POLR3B: variants seen among roughly 807,000 people sequenced by gnomAD.
POLR3B encodes the protein DNA-directed RNA polymerase III subunit RPC2.
A neutral mutation model predicts 147.4 loss-of-function variants in POLR3B; 96 were observed. That is an observed-to-expected ratio of 0.65 (90% CI 0.55 to 0.77). POLR3B has a LOEUF of 0.77. Among genes scored for constraint, POLR3B ranks in the 30% least tolerant of loss-of-function variants. The pLI, the probability that POLR3B is intolerant of heterozygous loss-of-function variation, is 0.00. For missense variants in POLR3B, 1,036 were observed against 1,413.5 expected, an observed-to-expected ratio of 0.73 and a Z score of 4.28; for synonymous variants, 461 against 485.9, an observed-to-expected ratio of 0.95 and a Z score of 0.67.
At chr12:106,393,225 A>AT in intron 10 of POLR3B, 72 bp downstream of exon 10, 2 of 1,580,314 alleles carry the variant, frequency 1.3e-6, no homozygotes, top group Non-Finnish European at 1.7e-6. Flanking sequence ...GATAAAGCTC[A>AT]TCGGATGTGA....
At chr12:106,446,786 C>G (rs1174213611) in intron 19 of POLR3B, among the ~76,000 whole-genome samples, 1 of 152,074 alleles carries the variant, frequency 6.6e-6, no homozygotes, top group African/African-American at 2.4e-5. Context: ...TTATAAAACA[C>G]CTGACTGGAA....
intron 9 of POLR3B, among the ~76,000 whole-genome samples, chr12:106,389,582 G>T (rs2136913218): frequency 6.7e-6 from 1 of 149,962 alleles, no homozygotes; most frequent in African/African-American, 2.5e-5. Flanking sequence ...CTTGGGACCA[G>T]CAGTGTTTAG....
intron 23 of POLR3B, among the ~76,000 whole-genome samples, chr12:106,487,269 T>A (rs571774519): frequency 1.3e-5 from 2 of 152,374 alleles, no homozygotes; most frequent in South Asian, 2.1e-4. Context: ...TTTGTTTGTT[T>A]GTTTGTTTCT....
At position 106,504,127 on chromosome 12, in the gene POLR3B, G is replaced by A; in HGVS notation, c.3145G>A (p.Glu1049Lys). ...TCGTGATGGTGGCTTGCGTCTCGGG[G>A]AAATGGAACGTGACTGTTTAATCGG... ...RSRDGGLRLG[E>K]MERDCLIGYG... Residue 1049 changes from glutamate to lysine, a missense_variant, in exon 27 of 28, where the codon GAA becomes AAA. This residue lies in a region of POLR3B where 18 missense variants were observed against 73.4 expected (regional missense o/e 0.25). Coordinates refer to ENST00000228347, the MANE Select transcript of POLR3B (RefSeq NM_018082.6). This position sits in a 1 kb window ranked among gnomAD's most constrained non-coding sequence, Gnocchi z 4.6. 6.2e-7 allele frequency: 1 copy of A among 1,614,226 alleles called. No individual in the cohort carries two copies.
At chr12:106,479,753 TTTTTC>T (rs2038237858) in intron 23 of POLR3B, among the ~76,000 whole-genome samples, 1 of 151,926 alleles carries the variant, frequency 6.6e-6, no homozygotes, top group South Asian at 2.1e-4. Context: ...GGTTTTTCTT[TTTTTC>T]TTTTTAGTTT....
chr12:106,448,983 A>C (rs10778473), intron 19 of POLR3B, among the ~76,000 whole-genome samples: 51,037 of 151,904 alleles, frequency 0.34, 11,392 homozygotes, highest in African/African-American at 0.64. Context: ...TGTAAATTAT[A>C]AGCCCCTCGA....
intron 19 of POLR3B, among the ~76,000 whole-genome samples, chr12:106,449,561 T>C (rs1004521762): frequency 6.6e-6 from 1 of 152,200 alleles, no homozygotes; most frequent in South Asian, 2.1e-4. Context: ...TACTATATTC[T>C]TACAATTCAA....
intron 2 of POLR3B, among the ~76,000 whole-genome samples, chr12:106,365,361 A>G (rs934547815): frequency 6.6e-6 from 1 of 152,120 alleles, no homozygotes; most frequent in Non-Finnish European, 1.5e-5. Context: ...CCAAGAATCA[A>G]ATAAAATGGT....
chr12:106,418,096 G>T (rs2037330443), intron 12 of POLR3B, among the ~76,000 whole-genome samples: 1 of 152,156 alleles, frequency 6.6e-6, no homozygotes, highest in Admixed American at 6.5e-5. Flanking sequence ...CTGGCCAAGC[G>T]GGTTCACAGA....
At position 106,504,216 on chromosome 12, in the gene POLR3B, T is replaced by C; in HGVS notation, c.3234T>C (p.Asp1078=). 1.2e-6 allele frequency: 2 copies of C among 1,614,214 alleles called. No individual in the cohort carries two copies. The highest frequency in any genetic ancestry group is 1.7e-6 in the Non-Finnish European group (2 of 1,180,006). The change falls in exon 27 of 28, where the codon GAT becomes GAC. Residue 1078 remains aspartate (D), a synonymous_variant. Coordinates refer to ENST00000228347, the MANE Select transcript of POLR3B (RefSeq NM_018082.6). This position sits in a 1 kb window ranked among gnomAD's most constrained non-coding sequence, Gnocchi z 4.6. Reference sequence around the variant, plus strand: ...TTTCAAGTGATGCCTTTGAGGTTGATGTCTGTGGGCAGTGTGGACTTCTGG... The same window carrying C: ...TTTCAAGTGATGCCTTTGAGGTTGACGTCTGTGGGCAGTGTGGACTTCTGG... The part of the protein sequence containing the change: ...LMISSDAFEV[D]VCGQCGLLGY...
intron 18 of POLR3B, among the ~76,000 whole-genome samples, chr12:106,439,799 A>G (rs983270062): frequency 5.9e-5 from 9 of 152,178 alleles, no homozygotes; most frequent in East Asian, 3.8e-4. Context: ...GGTCACACCT[A>G]TAATCCCAGC....
At chr12:106,430,536 G>A (rs922554780) in intron 14 of POLR3B, 63 bp downstream of exon 14, 7 of 1,310,804 alleles carry the variant, frequency 5.3e-6, no homozygotes, top group Non-Finnish European at 5.5e-6. Flanking sequence ...TGCATGGGGT[G>A]GGGTGGGGAG....
intron 25 of POLR3B, 65 bp from the exon 26 acceptor site, chr12:106,501,258 C>T: frequency 1.0e-6 from 1 of 975,456 alleles, no homozygotes; most frequent in Non-Finnish European, 1.7e-6. Context: ...GTGATGGGTC[C>T]AAAGGCTGTC....
chr12:106,373,741 G>A (rs182954949), intron 6 of POLR3B, among the ~76,000 whole-genome samples: 78 of 151,726 alleles, frequency 5.1e-4, no homozygotes, highest in African/African-American at 1.7e-3. Context: ...GCAACAGAGC[G>A]AGACTCCATC....
intron 14 of POLR3B, among the ~76,000 whole-genome samples, chr12:106,431,943 A>T (rs925709174): frequency 6.6e-6 from 1 of 152,140 alleles, no homozygotes; most frequent in Non-Finnish European, 1.5e-5. Context: ...GCATTTATTA[A>T]TGTTTTCCTT....
intron 10 of POLR3B, among the ~76,000 whole-genome samples, chr12:106,404,897 A>C (rs2037128412): frequency 6.6e-6 from 1 of 152,096 alleles, no homozygotes. Flanking sequence ...TCCATCTTAA[A>C]CTAATTTTTA....
chr12:106,506,268 A>T (rs1201441379), intron 27 of POLR3B, among the ~76,000 whole-genome samples: 1 of 152,218 alleles, frequency 6.6e-6, no homozygotes, highest in African/African-American at 2.4e-5. Flanking sequence ...TTAAATCTTC[A>T]AATTTGACAC....
At chr12:106,371,910 G>A (rs1361782741) in intron 6 of POLR3B, among the ~76,000 whole-genome samples, 7 of 151,814 alleles carry the variant, frequency 4.6e-5, no homozygotes, top group Non-Finnish European at 1.0e-4. Context: ...TGCACGTTGT[G>A]CACATGTACC....
intron 1 of POLR3B, chr12:106,358,186 C>G: frequency 7.0e-6 from 10 of 1,430,232 alleles, no homozygotes; most frequent in Non-Finnish European, 9.1e-6. Flanking sequence ...CGAGAAGCCC[C>G]GCTGCTGGCT....
Sources: gnomAD v4.1 joint callset for allele counts (sites outside exome capture counted in the v4.1 genomes callset) on GRCh38, gnomAD v4.1.1 for gene constraint, gnomAD v4.1.1 regional missense constraint, Gnocchi (gnomAD v3.1) non-coding constraint, MANE v1.5 for transcripts, NCBI Gene and HGNC (gene_info 2026-07-23, HGNC 2026-07-21) for gene names.